UNC13C: variants seen among roughly 807,000 people sequenced by gnomAD.
UNC13C encodes the protein protein unc-13 homolog C.
A neutral mutation model predicts 245.4 loss-of-function variants in UNC13C; 174 were observed. The ratio of observed to expected loss-of-function variants is 0.71; its 90% CI spans 0.63 to 0.80. The LOEUF is 0.80. UNC13C is among the 30% of genes least tolerant of loss of function. UNC13C has a pLI of 0.00. For missense variants in UNC13C, 2,829 were observed against 2,602.9 expected, an observed-to-expected ratio of 1.09 and a Z score of -1.89; for synonymous variants, 992 against 895.1, an observed-to-expected ratio of 1.11 and a Z score of -1.93.
At chr15:53,952,660 C>T in the UNC13C span, among the ~76,000 whole-genome samples, 5 of 152,092 alleles carry the variant, frequency 3.3e-5, no homozygotes, top group South Asian at 6.2e-4. Context: ...AATAAAAACT[C>T]GCCAGATGAT....
intron 10 of UNC13C, among the ~76,000 whole-genome samples, chr15:54,276,224 T>C (rs2036828235): frequency 6.6e-6 from 1 of 152,156 alleles, no homozygotes; most frequent in African/African-American, 2.4e-5. Context: ...ATCATGGTGA[T>C]GATTATATAG....
At position 54,059,991 on chromosome 15, in the gene UNC13C, T is replaced by A. The variant is rs1159047379; in HGVS notation, c.2983+44105T>A. Among the ~76,000 whole-genome samples, 5 of 152,330 alleles carry A rather than the reference T, an allele frequency of 3.3e-5. No individual in the cohort carries two copies. In the East Asian group the frequency reaches 9.7e-4, roughly 29 times the overall value. ...TCAAGATGGATTAAAGACTTACATGTTAGACCTAAAGCCATGTAAACCCTA... is the reference window on the plus strand; with the variant it reads ...TCAAGATGGATTAAAGACTTACATGATAGACCTAAAGCCATGTAAACCCTA... On this transcript the variant is annotated intron_variant, in intron 2 of 32. Coordinates refer to ENST00000260323, the MANE Select transcript of UNC13C (RefSeq NM_001080534.3).
chr15:54,163,364 C>G (rs757396704), intron 4 of UNC13C, among the ~76,000 whole-genome samples: 6 of 152,108 alleles, frequency 3.9e-5, no homozygotes, highest in Non-Finnish European at 8.8e-5. Context: ...CTTGCAGAGA[C>G]CTTAATTATA....
chr15:54,529,409 A>C (rs1895634829), intron 25 of UNC13C, among the ~76,000 whole-genome samples: 1 of 152,220 alleles, frequency 6.6e-6, no homozygotes, highest in Admixed American at 6.5e-5. Context: ...CAAAAACTAG[A>C]AAAATGAAAT....
At position 54,573,884 on chromosome 15, in the gene UNC13C, G is replaced by T. The variant is rs551327214; in HGVS notation, c.6106+5937G>T. Among the ~76,000 whole-genome samples the T allele has an allele frequency of 2.0e-5, 3 of 152,258 alleles. No homozygotes were observed. The East Asian group carries it at 5.8e-4, about 29-fold the overall frequency. ...TCTAGGACACCCTAATCTAACACAGGCTGAAAAGTGAGAAGTGAAATTTTG... is the reference window on the plus strand; with the variant it reads ...TCTAGGACACCCTAATCTAACACAGTCTGAAAAGTGAGAAGTGAAATTTTG... On this transcript the variant is annotated intron_variant, in intron 30 of 32. Coordinates refer to ENST00000260323, the MANE Select transcript of UNC13C (RefSeq NM_001080534.3).
chr15:54,147,847 T>A (rs911059192), intron 4 of UNC13C, among the ~76,000 whole-genome samples: 8 of 145,804 alleles, frequency 5.5e-5, no homozygotes, highest in African/African-American at 1.7e-4. Flanking sequence ...CAGACTTGCA[T>A]GCACCACAAT....
chr15:54,366,367 T>C (rs376188488), intron 17 of UNC13C, among the ~76,000 whole-genome samples: 3 of 152,202 alleles, frequency 2.0e-5, no homozygotes, highest in East Asian at 3.8e-4. Context: ...ATTGTAATCA[T>C]GCTTTGTACT....
chr15:54,538,764 A>T (rs1896113518), intron 26 of UNC13C, among the ~76,000 whole-genome samples: 2 of 149,798 alleles, frequency 1.3e-5, no homozygotes, highest in African/African-American at 5.1e-5. Context: ...CAAATACTGC[A>T]TGTTCTCACT....
chr15:54,145,628 T>C (rs2032221532), intron 4 of UNC13C, among the ~76,000 whole-genome samples: 1 of 152,232 alleles, frequency 6.6e-6, no homozygotes, highest in African/African-American at 2.4e-5. Context: ...AATAATAATT[T>C]GACAACTAAA....
At chr15:54,325,089 G>A (rs1266580540) in intron 14 of UNC13C, among the ~76,000 whole-genome samples, 1 of 151,836 alleles carries the variant, frequency 6.6e-6, no homozygotes, top group Admixed American at 6.6e-5. Flanking sequence ...TGGCATAGAA[G>A]CACAGTTATA....
In UNC13C at chr15:54,063,948, C is replaced by G. The variant is rs1043797388; in HGVS notation, c.2983+48062C>G. ...AGGAGTTTCATGGATAAAACACATA[C>G]TGTTTTTTGACACCCAAGAATTTCT... On this transcript the variant is annotated intron_variant, in intron 2 of 32. Transcript: ENST00000260323. Among the ~76,000 whole-genome samples, 4 of 152,174 alleles carry G rather than the reference C, an allele frequency of 2.6e-5. No homozygotes were observed. In the South Asian group the frequency reaches 8.3e-4, roughly 31 times the overall value.
chr15:54,584,105 C>A (rs978626734), intron 30 of UNC13C, among the ~76,000 whole-genome samples: 1 of 152,148 alleles, frequency 6.6e-6, no homozygotes, highest in South Asian at 2.1e-4. Flanking sequence ...GACTGACACC[C>A]TAGAACCTAC....
At chr15:53,968,395 A>G in the UNC13C span, among the ~76,000 whole-genome samples, 1 of 152,174 alleles carries the variant, frequency 6.6e-6, no homozygotes, top group Non-Finnish European at 1.5e-5. Context: ...AGAGTAAGAT[A>G]CTATTAAGAA....
rs542551348 is a variant in UNC13C at position 54,278,247 on chromosome 15, T to C, written c.3818+12751T>C. 2.0e-4 allele frequency among the ~76,000 whole-genome samples: 31 copies of C among 152,234 alleles called. No individual in the cohort carries two copies. The South Asian group carries it at 4.1e-3, about 20-fold the overall frequency. On this transcript the variant is annotated intron_variant, in intron 10 of 32. Transcript: ENST00000260323. ...CTTTATCAGCCACTCCTTATGAGTA[T>C]GGATCTTGTGATTTTAGAACTCCAA...
the UNC13C span, chr15:53,913,197 G>C: frequency 6.6e-6 from 1 of 152,232 alleles, no homozygotes; most frequent in African/African-American, 2.4e-5. Context: ...TTCTTGCCTG[G>C]GATTGGGATG....
At chr15:54,010,068 C>G (rs894668235) in intron 1 of UNC13C, among the ~76,000 whole-genome samples, 2 of 152,198 alleles carry the variant, frequency 1.3e-5, no homozygotes, top group African/African-American at 4.8e-5. Flanking sequence ...TGCTTCCCTT[C>G]TGCTCACACT....
intron 2 of UNC13C, among the ~76,000 whole-genome samples, chr15:54,029,100 T>C (rs552533051): frequency 3.9e-5 from 6 of 152,192 alleles, no homozygotes; most frequent in Admixed American, 3.9e-4. Flanking sequence ...GAATGCATTT[T>C]GGGAATTGAT....
At chr15:54,209,594 T>G (rs2034818438) in intron 4 of UNC13C, among the ~76,000 whole-genome samples, 1 of 152,020 alleles carries the variant, frequency 6.6e-6, no homozygotes, top group Non-Finnish European at 1.5e-5. Flanking sequence ...TGTGTTTTTT[T>G]GTAGAGACAG....
At chr15:54,510,692 A>G (rs1408138933) in intron 23 of UNC13C, among the ~76,000 whole-genome samples, 1 of 152,160 alleles carries the variant, frequency 6.6e-6, no homozygotes, top group Non-Finnish European at 1.5e-5. Context: ...CTTTCCACTG[A>G]TAAGAGCTAA....
Sources: allele counts gnomAD v4.1 joint callset (sites outside exome capture counted in the v4.1 genomes callset), GRCh38; gene constraint gnomAD v4.1.1; transcripts MANE v1.5; gene names NCBI Gene and HGNC (gene_info 2026-07-23, HGNC 2026-07-21).